WNK3: variants seen among roughly 807,000 people sequenced by gnomAD.
WNK3 encodes serine/threonine-protein kinase WNK3.
Under a neutral mutation model 116.7 loss-of-function variants are expected in WNK3, and 18 were observed. That is an observed-to-expected ratio of 0.15 (90% CI 0.11 to 0.23). The LOEUF (loss-of-function observed/expected upper bound fraction) is 0.23, where lower values mean the gene tolerates loss of function less well. Ranked by LOEUF, WNK3 falls within the 10% of genes least tolerant of loss-of-function variation. The probability of loss-of-function intolerance (pLI) is 1.00; values close to 1 mark genes in which losing one functional copy is unlikely to be tolerated. For synonymous variants in WNK3, 404 were observed against 469.4 expected (o/e 0.86, Z 1.80); for missense variants, 993 against 1,323.8 (o/e 0.75, Z 3.88).
intron 23 of WNK3, among the ~76,000 whole-genome samples, chrX:54,201,441 A>G (rs1373944651): frequency 8.9e-6 from 1 of 111,971 alleles, no homozygotes; most frequent in Non-Finnish European, 1.9e-5. Context: ...AATAACTTTA[A>G]AGTTCTTTTT....
chrX:54,223,634 AC>A, intron 22 of WNK3: 1 of 117,948 alleles, frequency 8.5e-6, no homozygotes. Context: ...ATAAGGACAG[AC>A]CAGAGACAAA....
At chrX:54,244,352 G>A (rs1189408608) in intron 17 of WNK3, among the ~76,000 whole-genome samples, 1 of 111,807 alleles carries the variant, frequency 8.9e-6, no homozygotes, top group Non-Finnish European at 1.9e-5. Flanking sequence ...CTATTATCTC[G>A]ATTTTACAGA....
chrX:54,260,422 A>G (rs1436235603), intron 10 of WNK3, among the ~76,000 whole-genome samples: 1 of 112,213 alleles, frequency 8.9e-6, no homozygotes, highest in Non-Finnish European at 1.9e-5. Flanking sequence ...ATCCTAATGC[A>G]TAAATCCAGA....
At chrX:54,313,066 A>AATTTTC (rs782615406) in intron 2 of WNK3, among the ~76,000 whole-genome samples, 1 of 110,430 alleles carries the variant, frequency 9.1e-6, no homozygotes, top group Non-Finnish European at 1.9e-5. Context: ...TCTAGTTTAT[A>AATTTTC]ATTTTCATTT....
At chrX:54,212,212 C>T (rs781822528) in intron 22 of WNK3, among the ~76,000 whole-genome samples, 13 of 111,957 alleles carry the variant, frequency 1.2e-4, no homozygotes, top group African/African-American at 3.6e-4. Context: ...TGGGACAGAG[C>T]GAGACTCCGT....
chrX:54,204,038 C>A (rs189605388), intron 22 of WNK3, among the ~76,000 whole-genome samples: 3 of 112,026 alleles, frequency 2.7e-5, no homozygotes, highest in Non-Finnish European at 5.6e-5. Flanking sequence ...GGAAACATGA[C>A]AATCTCAATG....
At chrX:54,342,152 C>T (rs1198364206) in intron 1 of WNK3, among the ~76,000 whole-genome samples, 4 of 111,206 alleles carry the variant, frequency 3.6e-5, no homozygotes, top group African/African-American at 1.3e-4. Flanking sequence ...CCTATAGTCC[C>T]AGCTACTAAG....
rs782203753 is a variant in WNK3, at chrX:54,259,260, T to C, written c.2102+14A>G. 6.1e-6 allele frequency: 7 copies of C among 1,150,517 alleles called. No homozygotes were observed. The African/African-American group carries it at 1.3e-4, about 21-fold the overall frequency. The allele number at this position is 1,150,517 out of a possible 1,213,427, so 94.8% of individuals were successfully genotyped here. ...TCCTCATTGTTCTCATGGTATTAAT[T>C]TGAAGATACTTACCTTCGAACTAAA... On this transcript the variant is annotated intron_variant, in intron 11 of 23. Coordinates refer to ENST00000354646, the Ensembl canonical transcript of WNK3.
intron 22 of WNK3, among the ~76,000 whole-genome samples, chrX:54,207,484 C>T (rs781959203): frequency 4.1e-4 from 44 of 107,825 alleles, no homozygotes; most frequent in African/African-American, 1.5e-3. Context: ...TTCCACTTCC[C>T]TTAATTTCAA....
chrX:54,209,315 C>T (rs1055175769), intron 22 of WNK3, among the ~76,000 whole-genome samples: 3 of 107,369 alleles, frequency 2.8e-5, no homozygotes, highest in African/African-American at 6.8e-5. Context: ...CCCAGCTACT[C>T]GGGAGGCTGA....
intron 21 of WNK3, among the ~76,000 whole-genome samples, chrX:54,231,886 A>G (rs782331252): frequency 9.0e-6 from 1 of 110,698 alleles, no homozygotes; most frequent in South Asian, 3.9e-4. Flanking sequence ...ACATATAACC[A>G]AAGAGGCCTG....
At chrX:54,199,522 A>G (rs1557141154) in intron 23 of WNK3, among the ~76,000 whole-genome samples, 1 of 111,678 alleles carries the variant, frequency 9.0e-6, no homozygotes, top group Non-Finnish European at 1.9e-5. Context: ...TAGGGCTTAA[A>G]TGGCTATTTA....
chrX:54,249,732 T>C, intron 16 of WNK3, 98 bp from the exon 17 acceptor site: 5 of 828,478 alleles, frequency 6.0e-6, no homozygotes, highest in African/African-American at 2.0e-5. Context: ...AAGGGGCAAA[T>C]GAGAACCTGT....
At position 54,249,355 on chromosome X, in the gene WNK3, G is replaced by C. The variant is rs145468986; in HGVS notation, c.2993C>G (p.Ala998Gly). 16 of 1,210,452 alleles carry C rather than the reference G, an allele frequency of 1.3e-5. No individual in the cohort carries two copies. The African/African-American group carries it at 2.8e-4, about 21-fold the overall frequency. ...TGGATACACAGGTATGAATATGCTT[G>C]CTTGTTTGGTGAGTCCCTCACATTC... Residue 998 changes from alanine (A) to glycine (G), a missense_variant, in exon 17 of 24, where the codon GCA becomes GGA. Physicochemically the swap from Ala to Gly is moderately conservative, Grantham distance 60. Transcript: ENST00000354646.
chrX:54,357,995 C>T (rs1310311035), exon 1 of WNK3: 2 of 111,029 alleles, frequency 1.8e-5, no homozygotes, highest in Non-Finnish European at 3.8e-5. Flanking sequence ...CGCGCTCGGC[C>T]CGGAGCTGAG....
intron 10 of WNK3, among the ~76,000 whole-genome samples, chrX:54,262,786 G>T (rs915920937): frequency 9.1e-6 from 1 of 109,724 alleles, no homozygotes; most frequent in Non-Finnish European, 1.9e-5. Flanking sequence ...ACAAAAATTA[G>T]CTGGGTGTGG....
At chrX:54,198,604 G>C (rs782781504) in exon 24 of WNK3, 2 of 1,209,473 alleles carry the variant, frequency 1.7e-6, no homozygotes, top group South Asian at 1.8e-5. Flanking sequence ...ACGGATTTGG[G>C]ACAGAGAAGA....
In WNK3 at chrX:54,202,202, C is replaced by CA. The variant is rs782301935; in HGVS notation, c.4871-10dup. 38 of 1,161,062 alleles carry CA rather than the reference C, an allele frequency of 3.3e-5. No homozygotes were observed. The highest frequency in any genetic ancestry group is 2.5e-4 in the South Asian group (13 of 51,472). ...CTCCACACACAGTGGATCTATAAGA[C>CA]AAAAAAAACAACAACAGGGAAACCA... On this transcript the variant is annotated splice_polypyrimidine_tract_variant and intron_variant, in intron 22 of 23. Coordinates refer to ENST00000354646, the Ensembl canonical transcript of WNK3.
At chrX:54,330,372 AAAAC>A (rs782515737) in intron 2 of WNK3, among the ~76,000 whole-genome samples, 200 of 110,000 alleles carry the variant, frequency 1.8e-3, no homozygotes, top group African/African-American at 5.9e-3. Context: ...GACTCCGTCT[AAAAC>A]AAACAAACAA....
Sources: allele counts gnomAD v4.1 joint callset (sites outside exome capture counted in the v4.1 genomes callset), GRCh38; gene constraint gnomAD v4.1.1; transcripts MANE v1.5; gene names NCBI Gene and HGNC (gene_info 2026-07-23, HGNC 2026-07-21).